SUMF1: variants seen among roughly 807,000 people sequenced by gnomAD.
SUMF1 encodes sulfatase modifying factor 1, also known as formylglycine-generating enzyme.
In SUMF1, 48 loss-of-function variants were observed where a neutral mutation model predicts 47.6. The observed-to-expected ratio is 1.01, with a 90% confidence interval of 0.80 to 1.28. The LOEUF is 1.28. Ranked by LOEUF, SUMF1 falls within the 50% of genes most tolerant of loss-of-function variation. The probability of loss-of-function intolerance (pLI) is 0.00; values close to 1 mark genes in which losing one functional copy is unlikely to be tolerated. For missense variants in SUMF1, 571 were observed against 485.4 expected, an observed-to-expected ratio of 1.18 and a Z score of -1.66; for synonymous variants, 230 against 192.1, an observed-to-expected ratio of 1.20 and a Z score of -1.63.
intron 7 of SUMF1, among the ~76,000 whole-genome samples, chr3:4,401,677 C>A (rs1349285699): frequency 6.6e-6 from 1 of 152,204 alleles, no homozygotes; most frequent in Non-Finnish European, 1.5e-5. Context: ...CGACTGACCT[C>A]ACTTTCATCA....
At chr3:4,061,438 C>A (rs1347058689) in intron 9 of SUMF1, among the ~76,000 whole-genome samples, 1 of 152,078 alleles carries the variant, frequency 6.6e-6, no homozygotes, top group Non-Finnish European at 1.5e-5. Context: ...CTCTTCCTTA[C>A]CCCTCATTAA....
chr3:4,308,494 A>T (rs1293595137), intron 8 of SUMF1, among the ~76,000 whole-genome samples: 3 of 152,242 alleles, frequency 2.0e-5, no homozygotes, highest in Non-Finnish European at 4.4e-5. Flanking sequence ...AAAGAAGCCA[A>T]TATTTTTATA....
chr3:4,303,466 C>A, intron 8 of SUMF1: 1 of 1,529,342 alleles, frequency 6.5e-7, no homozygotes, highest in South Asian at 1.3e-5. Context: ...ATGTCGCGTG[C>A]GGCCAGGAAA....
chr3:4,400,387 C>A (rs1271740832), intron 7 of SUMF1, among the ~76,000 whole-genome samples: 1 of 152,164 alleles, frequency 6.6e-6, no homozygotes, highest in Non-Finnish European at 1.5e-5. Flanking sequence ...TGCCTATTAC[C>A]ATGGAAATGA....
At chr3:4,130,816 G>T (rs943820510) in intron 8 of SUMF1, among the ~76,000 whole-genome samples, 3 of 152,118 alleles carry the variant, frequency 2.0e-5, no homozygotes, top group African/African-American at 7.2e-5. Context: ...GTGATCCAAA[G>T]GCTACCAGTT....
chr3:4,114,228 T>C (rs1409209082), intron 8 of SUMF1, among the ~76,000 whole-genome samples: 3 of 152,138 alleles, frequency 2.0e-5, no homozygotes, highest in Non-Finnish European at 4.4e-5. Flanking sequence ...GGGAAGGACA[T>C]GAAGTTTTTG....
chr3:4,387,236 T>C (rs1358028739), intron 7 of SUMF1, among the ~76,000 whole-genome samples: 2 of 152,046 alleles, frequency 1.3e-5, no homozygotes, highest in East Asian at 1.9e-4. Flanking sequence ...AGATTTGTTT[T>C]TTGAGAAGTT....
intron 8 of SUMF1, among the ~76,000 whole-genome samples, chr3:4,345,408 C>T (rs1363531735): frequency 6.6e-6 from 1 of 152,164 alleles, no homozygotes; most frequent in African/African-American, 2.4e-5. Context: ...GAATTTTCAA[C>T]CCAGAATCTC....
At chr3:4,396,810 C>G (rs923490775) in intron 7 of SUMF1, among the ~76,000 whole-genome samples, 5 of 152,096 alleles carry the variant, frequency 3.3e-5, no homozygotes, top group African/African-American at 1.2e-4. Flanking sequence ...AAGAGTGAGG[C>G]CCCAGGAGAA....
At chr3:4,343,231 A>C (rs1011303721) in intron 8 of SUMF1, among the ~76,000 whole-genome samples, 6 of 152,178 alleles carry the variant, frequency 3.9e-5, no homozygotes, top group African/African-American at 7.2e-5. Context: ...CGATTTTTTA[A>C]CTTTCACGAG....
intron 9 of SUMF1, among the ~76,000 whole-genome samples, chr3:4,064,027 A>C (rs1030456799): frequency 6.6e-6 from 1 of 152,102 alleles, no homozygotes; most frequent in African/African-American, 2.4e-5. Context: ...AAGGAAACTG[A>C]GGGTGAGATA....
chr3:4,362,314 C>T, intron 8 of SUMF1, 60 bp from the exon 9 acceptor site: 2 of 1,386,576 alleles, frequency 1.4e-6, no homozygotes. Context: ...AGGCTCTAAC[C>T]CATCAGATGC....
chr3:4,286,111 C>T lies in SUMF1; in HGVS notation c.1014+90219G>A, dbSNP rs188049438. Among the ~76,000 whole-genome samples, 99 of 152,082 alleles carry T rather than the reference C, an allele frequency of 6.5e-4. 1 individual carries two copies. The highest frequency in any genetic ancestry group is 2.3e-3 in the African/African-American group (96 of 41,502). ...GTTATATGCTTAAATTATATAGTTA[C>T]CTCTATTTTCAAATTGTTTAGTTTT... On this transcript the variant is annotated intron_variant and NMD_transcript_variant, in intron 8 of 12. Coordinates refer to the SUMF1 transcript ENST00000448413.
At chr3:4,211,347 T>C (rs1695789955) in intron 8 of SUMF1, among the ~76,000 whole-genome samples, 1 of 151,050 alleles carries the variant, frequency 6.6e-6, no homozygotes, top group Non-Finnish European at 1.5e-5. Flanking sequence ...CAGTTGGCCC[T>C]AGTATGTGTT....
intron 8 of SUMF1, among the ~76,000 whole-genome samples, chr3:4,142,990 C>T (rs1173400764): frequency 6.6e-6 from 1 of 152,048 alleles, no homozygotes; most frequent in Non-Finnish European, 1.5e-5. Context: ...GCAGTCACCT[C>T]CAAGACAAAG....
chr3:4,295,427 T>C (rs950097535), intron 8 of SUMF1, among the ~76,000 whole-genome samples: 3 of 151,830 alleles, frequency 2.0e-5, no homozygotes, highest in African/African-American at 7.3e-5. Context: ...CTTTCAAAAC[T>C]GCAAGCAGAA....
rs868226875 is a variant in SUMF1 at position 4,335,691 on chromosome 3, T to C, written c.1014+40639A>G. Among the ~76,000 whole-genome samples the C allele has an allele frequency of 3.0e-4, 46 of 151,994 alleles. 1 individual carries two copies. Among genetic ancestry groups the C allele is most frequent in the African/African-American group, 1.1e-3 (45 of 41,340 alleles). ...CAGGCACAGTGGCTCACACCTGTAA[T>C]CCCAGCACTTTGGGAGGCCAAGGCG... On this transcript the variant is annotated intron_variant and NMD_transcript_variant, in intron 8 of 12. Transcript: ENST00000448413.
intron 8 of SUMF1, among the ~76,000 whole-genome samples, chr3:4,169,239 T>C (rs1474677345): frequency 6.6e-6 from 1 of 152,210 alleles, no homozygotes. Flanking sequence ...TAGGTTGAAT[T>C]GTGTTCCTCA....
chr3:4,321,470 T>TAAAAAAAAAAAAAAAAAAAAAAAA (rs1206478992), intron 8 of SUMF1, among the ~76,000 whole-genome samples: 3 of 63,742 alleles, frequency 4.7e-5, no homozygotes, highest in Non-Finnish European at 9.3e-5. Flanking sequence ...AAGGAAATGC[T>TAAAAAAAAAAAAAAAAAAAAAAAA]AAAAAAAAAA....
Sources: gnomAD v4.1 joint callset for allele counts (sites outside exome capture counted in the v4.1 genomes callset) on GRCh38, gnomAD v4.1.1 for gene constraint, MANE v1.5 for transcripts, NCBI Gene and HGNC (gene_info 2026-07-23, HGNC 2026-07-21) for gene names.